Variants in CDH13 observed in about 807,000 individuals in gnomAD.
CDH13 encodes cadherin 13.
Under a neutral mutation model 63.8 loss-of-function variants are expected in CDH13, and 24 were observed. The observed-to-expected ratio is 0.38, with a 90% CI of 0.27 to 0.53. CDH13 has a LOEUF of 0.53. CDH13 is among the 20% of genes least tolerant of loss of function. The pLI is 0.85. For missense variants in CDH13, 1,049 were observed against 903.1 expected, an observed-to-expected ratio of 1.16 and a Z score of -2.07; for synonymous variants, 503 against 355.3, an observed-to-expected ratio of 1.42 and a Z score of -4.67.
intron 7 of CDH13, among the ~76,000 whole-genome samples, chr16:83,601,100 T>A (rs1274537524): frequency 6.6e-6 from 1 of 152,118 alleles, no homozygotes; most frequent in Admixed American, 6.5e-5. Context: ...CTGACTGACT[T>A]CTTCTAATTA....
At chr16:82,659,119 G>C (rs1206842455) in intron 1 of CDH13, among the ~76,000 whole-genome samples, 1 of 152,166 alleles carries the variant, frequency 6.6e-6, no homozygotes, top group African/African-American at 2.4e-5. Context: ...AGAAAACAGT[G>C]CACAGTTGCT....
rs146953641 is a variant in CDH13, at chr16:83,748,672, G to A, written c.1681+422G>A. 1.1e-3 allele frequency among the ~76,000 whole-genome samples: 165 copies of A among 152,224 alleles called. 1 individual carries two copies. In the East Asian group the frequency reaches 0.024, roughly 22 times the overall value. On this transcript the variant is annotated intron_variant, in intron 11 of 13. Transcript: ENST00000567109. ...TGTAGCTTTTATCCTATTATGACACGCTGCCAAGGAAAGGCATCAGGTACC... is the reference window on the plus strand; with the variant it reads ...TGTAGCTTTTATCCTATTATGACACACTGCCAAGGAAAGGCATCAGGTACC...
intron 2 of CDH13, among the ~76,000 whole-genome samples, chr16:83,000,845 C>G (rs1190103877): frequency 6.6e-6 from 1 of 152,156 alleles, no homozygotes; most frequent in African/African-American, 2.4e-5. Context: ...TCCCAAGGTT[C>G]TGGGATTACC....
At position 83,219,848 on chromosome 16, in the gene CDH13, C is replaced by G. The variant is rs370363414; in HGVS notation, c.636+2351C>G. ...CAAGACACACTGGGTTCCTTGCTTT[C>G]ATGTATCTTTTATTCTAGTTCTTTG... On this transcript the variant is annotated intron_variant, in intron 5 of 13. Transcript: ENST00000567109. 2.8e-4 allele frequency among the ~76,000 whole-genome samples: 43 copies of G among 152,328 alleles called. No individual in the cohort carries two copies. The South Asian group carries it at 8.7e-3, about 31-fold the overall frequency.
intron 1 of CDH13, among the ~76,000 whole-genome samples, chr16:82,807,500 G>A (rs2037206104): frequency 6.6e-6 from 1 of 152,134 alleles, no homozygotes; most frequent in African/African-American, 2.4e-5. Context: ...ACTGGAGTGG[G>A]TGAGTGGGAG....
At chr16:82,692,413 G>T (rs1487540715) in intron 1 of CDH13, among the ~76,000 whole-genome samples, 1 of 152,168 alleles carries the variant, frequency 6.6e-6, no homozygotes, top group Non-Finnish European at 1.5e-5. Context: ...GGCGAAAGAG[G>T]AGCAAAGTCA....
At chr16:83,429,732 T>A (rs1457862499) in intron 6 of CDH13, among the ~76,000 whole-genome samples, 1 of 152,222 alleles carries the variant, frequency 6.6e-6, no homozygotes, top group African/African-American at 2.4e-5. Context: ...AATACCTTTA[T>A]AATATTCCAC....
chr16:82,846,608 C>T (rs1419062468), intron 1 of CDH13, among the ~76,000 whole-genome samples: 5 of 152,102 alleles, frequency 3.3e-5, no homozygotes, highest in African/African-American at 7.2e-5. Context: ...GTCTAGCCTG[C>T]GAATCTTTAC....
At chr16:83,223,893 A>C (rs2039772195) in intron 5 of CDH13, among the ~76,000 whole-genome samples, 1 of 151,918 alleles carries the variant, frequency 6.6e-6, no homozygotes, top group Non-Finnish European at 1.5e-5. Context: ...TGCATGAGTA[A>C]GTTCTTTAGT....
chr16:83,692,325 T>A (rs982089473), intron 10 of CDH13, among the ~76,000 whole-genome samples: 1 of 152,182 alleles, frequency 6.6e-6, no homozygotes. Context: ...GACTCAAGGT[T>A]GCTCCCTGGA....
intron 3 of CDH13, among the ~76,000 whole-genome samples, chr16:83,081,806 C>G (rs577221920): frequency 1.4e-5 from 2 of 146,858 alleles, no homozygotes; most frequent in African/African-American, 5.0e-5. Context: ...ACCTAATTAC[C>G]TTTTTTTTTT....
At chr16:82,911,631 G>C (rs980029706) in intron 2 of CDH13, among the ~76,000 whole-genome samples, 1 of 152,124 alleles carries the variant, frequency 6.6e-6, no homozygotes, top group Non-Finnish European at 1.5e-5. Context: ...GATAATAAGG[G>C]GTTCTGAAGA....
At chr16:82,944,936 G>T (rs558956866) in intron 2 of CDH13, among the ~76,000 whole-genome samples, 1 of 152,168 alleles carries the variant, frequency 6.6e-6, no homozygotes, top group East Asian at 1.9e-4. Context: ...AAAATACACA[G>T]GGGGAAATAC....
chr16:82,840,035 C>G (rs969410117), intron 1 of CDH13, among the ~76,000 whole-genome samples: 1 of 152,168 alleles, frequency 6.6e-6, no homozygotes, highest in South Asian at 2.1e-4. Flanking sequence ...TATGTTCCTT[C>G]AAACTATTTC....
At chr16:83,705,297 C>A (rs1906847239) in intron 10 of CDH13, among the ~76,000 whole-genome samples, 1 of 152,116 alleles carries the variant, frequency 6.6e-6, no homozygotes, top group Admixed American at 6.6e-5. Context: ...AGTAGACAAC[C>A]AAGCTTTTTG....
chr16:83,489,799 A>G (rs186613365), intron 7 of CDH13, among the ~76,000 whole-genome samples: 28 of 152,332 alleles, frequency 1.8e-4, no homozygotes, highest in Admixed American at 1.4e-3. Context: ...AGATGGGCAG[A>G]AAAAACATTT....
chr16:83,018,279 T>A (rs984067765), intron 2 of CDH13, among the ~76,000 whole-genome samples: 2 of 152,110 alleles, frequency 1.3e-5, no homozygotes, highest in South Asian at 2.1e-4. Flanking sequence ...AATTATGGGG[T>A]CTAAGCTTCT....
chr16:82,848,378 G>C (rs1462302949), intron 1 of CDH13, among the ~76,000 whole-genome samples: 3 of 152,292 alleles, frequency 2.0e-5, no homozygotes, highest in South Asian at 2.1e-4. Flanking sequence ...AACCCAATTT[G>C]TAGGATCAGC....
chr16:83,319,945 G>C (rs138927025), intron 5 of CDH13, among the ~76,000 whole-genome samples: 124 of 152,298 alleles, frequency 8.1e-4, no homozygotes, highest in African/African-American at 3.0e-3. Flanking sequence ...GTAGACGTTA[G>C]GCATCATGGA....
Sources: gnomAD v4.1 joint callset for allele counts (sites outside exome capture counted in the v4.1 genomes callset) on GRCh38, gnomAD v4.1.1 for gene constraint, MANE v1.5 for transcripts, NCBI Gene and HGNC (gene_info 2026-07-23, HGNC 2026-07-21) for gene names.